Variants in HERC1 observed in about 807,000 individuals in gnomAD.
HERC1 encodes the protein HECT and RLD domain containing E3 ubiquitin protein ligase family member 1, also known as probable E3 ubiquitin-protein ligase HERC1.
A neutral mutation model predicts 554.3 loss-of-function variants in HERC1; 160 were observed. The ratio of observed to expected loss-of-function variants is 0.29; its 90% confidence interval spans 0.25 to 0.33. The LOEUF is 0.33. HERC1 is among the 10% of genes least tolerant of loss of function. The probability of loss-of-function intolerance (pLI) is 1.00; values close to 1 mark genes in which losing one functional copy is unlikely to be tolerated. For synonymous variants in HERC1, 2,175 were observed against 2,131.7 expected (o/e 1.02, Z -0.56); for missense variants, 4,919 against 5,918.5 (o/e 0.83, Z 5.54).
intron 52 of HERC1, among the ~76,000 whole-genome samples, chr15:63,652,045 A>C (rs11857705): frequency 0.17 from 26,249 of 152,066 alleles, 2,476 homozygotes; most frequent in Middle Eastern, 0.22. Flanking sequence ...CAAAAAAGAA[A>C]AAAACAAAAC....
chr15:63,624,061 C>T, intron 72 of HERC1, 97 bp downstream of exon 72: 1 of 1,318,776 alleles, frequency 7.6e-7, no homozygotes, highest in Non-Finnish European at 1.1e-6. Flanking sequence ...ATCTACCCTG[C>T]CTTAGAAGTG....
intron 12 of HERC1, among the ~76,000 whole-genome samples, chr15:63,740,516 C>T (rs561693327): frequency 9.2e-5 from 14 of 152,324 alleles, no homozygotes; most frequent in African/African-American, 3.1e-4. Flanking sequence ...TTTTCCAAAG[C>T]ACCTGCACCA....
At chr15:63,638,841 A>G (rs1010537495) in intron 61 of HERC1, 65 bp from the exon 62 acceptor site, 12 of 1,096,118 alleles carry the variant, frequency 1.1e-5, no homozygotes, top group African/African-American at 1.5e-5. Flanking sequence ...TCTTAACCAC[A>G]AAGTCCTCTT....
intron 2 of HERC1, among the ~76,000 whole-genome samples, chr15:63,764,880 C>T (rs1448803774): frequency 6.6e-6 from 1 of 152,204 alleles, no homozygotes; most frequent in Non-Finnish European, 1.5e-5. Context: ...TGGGATCAAG[C>T]ATGCACATTA....
chr15:63,764,275 C>A, intron 2 of HERC1, 84 bp from the exon 3 acceptor site: 1 of 878,102 alleles, frequency 1.1e-6, no homozygotes, highest in Non-Finnish European at 1.8e-6. Flanking sequence ...ACAAAAACAA[C>A]ACCTATTTGA....
chr15:63,636,256 TA>T (rs2068771937), intron 64 of HERC1, 114 bp from the exon 65 acceptor site: 1 of 806,890 alleles, frequency 1.2e-6, no homozygotes, highest in South Asian at 2.0e-5. Flanking sequence ...ACTATGAAAA[TA>T]AGAATAATTT....
intron 25 of HERC1, among the ~76,000 whole-genome samples, chr15:63,700,730 A>G (rs2072672255): frequency 6.8e-6 from 1 of 146,408 alleles, no homozygotes; most frequent in Non-Finnish European, 1.5e-5. Flanking sequence ...AAAAAAAAAA[A>G]GCTTAATTTT....
At chr15:63,715,577 G>A (rs2140297547) in intron 22 of HERC1, among the ~76,000 whole-genome samples, 1 of 152,282 alleles carries the variant, frequency 6.6e-6, no homozygotes, top group South Asian at 2.1e-4. Flanking sequence ...TGATAATAAA[G>A]TTAGGGCCAA....
In HERC1 at chr15:63,692,956, G is replaced by A. The variant is rs1228465467; in HGVS notation, c.5675-390C>T. Among the ~76,000 whole-genome samples, 1 of 151,948 alleles carries A rather than the reference G, an allele frequency of 6.6e-6. No homozygotes were observed. The highest frequency in any genetic ancestry group is 2.4e-5 in the African/African-American group (1 of 41,374). ...AGCACTTTGGGAGGTCGAGGCGGGC[G>A]GATCACTTGAGGTCAGGAGTTCAAG... is the stretch of plus-strand genomic sequence containing the variant. On this transcript the variant is annotated intron_variant, in intron 30 of 77. Coordinates refer to ENST00000443617, the MANE Select transcript of HERC1 (RefSeq NM_003922.4). This position sits in a 1 kb window ranked among gnomAD's most constrained non-coding sequence, Gnocchi z 4.7.
intron 39 of HERC1, among the ~76,000 whole-genome samples, chr15:63,672,242 G>C (rs1036640374): frequency 7.9e-5 from 12 of 152,184 alleles, no homozygotes; most frequent in African/African-American, 2.4e-4. Flanking sequence ...GAGAATGTTA[G>C]ACTACTTGCT....
intron 64 of HERC1, 131 bp from the exon 65 acceptor site, chr15:63,636,273 GTTTT>G: frequency 2.3e-5 from 12 of 523,654 alleles, no homozygotes; most frequent in Non-Finnish European, 2.5e-5. Context: ...AATTTCATTA[GTTTT>G]TTTTTTTTTT....
In HERC1 at chr15:63,678,076, T is replaced by C; in HGVS notation, c.6839A>G (p.Lys2280Arg). ...REEKESKEEE[K>R]GKHTRHGLAD... is the part of the protein sequence containing the mutation. Reference sequence around the variant, plus strand: ...GAGGCCATGCCTAGTATGTTTACCTTTCTCTTCCTCTTTGCTCTCCTTCTC... The same window carrying C: ...GAGGCCATGCCTAGTATGTTTACCTCTCTCTTCCTCTTTGCTCTCCTTCTC... Residue 2280 changes from lysine (K) to arginine (R), a missense_variant, in exon 37 of 78, where the codon AAA becomes AGA. Around this residue, in one of 11 missense-constraint regions of HERC1, gnomAD observed 1,963 missense variants for 2,228.6 expected, o/e 0.88. Coordinates refer to ENST00000443617, the MANE Select transcript of HERC1 (RefSeq NM_003922.4). 6.2e-7 allele frequency: 1 copy of C among 1,614,054 alleles called. No individual in the cohort carries two copies. Among genetic ancestry groups the C allele is most frequent in the Non-Finnish European group, 8.5e-7 (1 of 1,179,902 alleles).
chr15:63,641,444 C>G (rs757600125), intron 60 of HERC1, 26 bp downstream of exon 60: 21 of 1,587,688 alleles, frequency 1.3e-5, no homozygotes, highest in Non-Finnish European at 1.8e-5. Flanking sequence ...ATCTGTGTAT[C>G]TCTAGGAGTG....
intron 73 of HERC1, 87 bp from the exon 74 acceptor site, chr15:63,622,978 G>C: frequency 1.4e-6 from 1 of 739,738 alleles, no homozygotes. Flanking sequence ...ACTGAAAAGA[G>C]AATATTTTGA....
rs372333684 is a variant in HERC1, at chr15:63,713,626, C to T, written c.4190G>A (p.Arg1397His). The T allele has an allele frequency of 6.2e-6, 10 of 1,612,576 alleles. No homozygotes were observed. The highest frequency in any genetic ancestry group is 2.7e-5 in the African/African-American group (2 of 74,876). The change falls in exon 23 of 78, where the codon CGT becomes CAT. Residue 1397 changes from arginine (R) to histidine (H), a missense_variant. Transcript: ENST00000443617. Reference sequence around the variant, plus strand: ...GTTCATTCTATCTCGGTCTCGGCTACGAGCTACTTCACGGGCTGAGAGGAA... The same window carrying T: ...GTTCATTCTATCTCGGTCTCGGCTATGAGCTACTTCACGGGCTGAGAGGAA... ...QCFLSAREVA[R>H]SRDRDRMNSG...
Position 63,628,915 on chromosome 15 carries a change from A to G in HERC1, c.12967-100T>C, listed in dbSNP as rs548708012. 2.7e-6 allele frequency: 3 copies of G among 1,120,614 alleles called. No homozygotes were observed. In the African/African-American group the frequency reaches 4.7e-5, roughly 17 times the overall value. The allele number at this position is 1,120,614 out of a possible 1,614,324, so 69.4% of individuals were successfully genotyped here. A position where few individuals can be genotyped will look rare whatever the true frequency, so the allele number is the denominator to read the frequency against. ...AGATGGTGGCAGACATAAATAAGTT[A>G]ATAACTGTACCATGCATCAGCATCA... On this transcript the variant is annotated intron_variant, in intron 69 of 77. Transcript: ENST00000443617.
rs1308317195 is a variant in HERC1 at position 63,727,330 on chromosome 15, C to A, written c.3346+317G>T. Among the ~76,000 whole-genome samples the A allele has an allele frequency of 6.6e-6, 1 of 152,072 alleles. No homozygotes were observed. ...GGAACAACTCCATATAAAGCCTAATCAACATCCTGATATGGTTGTAAATTT... is the reference window on the plus strand; with the variant it reads ...GGAACAACTCCATATAAAGCCTAATAAACATCCTGATATGGTTGTAAATTT... On this transcript the variant is annotated intron_variant, in intron 17 of 77. Transcript: ENST00000443617. This position sits in a 1 kb window ranked among gnomAD's most constrained non-coding sequence, Gnocchi z 4.3.
intron 58 of HERC1, 23 bp downstream of exon 58, chr15:63,643,381 A>G: frequency 6.3e-7 from 1 of 1,592,736 alleles, no homozygotes; most frequent in Non-Finnish European, 8.5e-7. Context: ...TCCTTAACAT[A>G]AAAATAAAAT....
intron 34 of HERC1, among the ~76,000 whole-genome samples, chr15:63,685,488 A>G (rs1392331277): frequency 6.6e-6 from 1 of 152,250 alleles, no homozygotes; most frequent in Non-Finnish European, 1.5e-5. Flanking sequence ...GACTGGCCAG[A>G]GTTGTCCAGT....
Sources: allele counts gnomAD v4.1 joint callset (sites outside exome capture counted in the v4.1 genomes callset), GRCh38; gene constraint gnomAD v4.1.1; regional missense constraint gnomAD v4.1.1; non-coding constraint Gnocchi (gnomAD v3.1); transcripts MANE v1.5; gene names NCBI Gene and HGNC (gene_info 2026-07-23, HGNC 2026-07-21).